ACTN4: variants seen among roughly 807,000 people sequenced by gnomAD.
ACTN4 encodes the protein actinin alpha 4.
In ACTN4, 18 loss-of-function variants were observed where a neutral mutation model predicts 114.2. The observed-to-expected ratio is 0.16, with a 90% confidence interval of 0.11 to 0.23. The LOEUF is 0.23. Among genes scored for constraint, ACTN4 ranks in the 10% least tolerant of loss-of-function variants. The pLI, the probability that ACTN4 is intolerant of heterozygous loss-of-function variation, is 1.00. For missense variants in ACTN4, 722 were observed against 1,262.9 expected, an observed-to-expected ratio of 0.57 and a Z score of 6.49; for synonymous variants, 515 against 506.3, an observed-to-expected ratio of 1.02 and a Z score of -0.23.
chr19:38,698,255 G>A (rs901482998), intron 1 of ACTN4, among the ~76,000 whole-genome samples: 10 of 152,288 alleles, frequency 6.6e-5, no homozygotes, highest in Middle Eastern at 3.4e-3. Flanking sequence ...CACACTGCCC[G>A]TGGCCTAGGT....
At chr19:38,679,568 C>CGTGCGT (rs149048298) in intron 1 of ACTN4, among the ~76,000 whole-genome samples, 1 of 145,420 alleles carries the variant, frequency 6.9e-6, no homozygotes, top group South Asian at 2.2e-4. Context: ...TTTGGGTGTG[C>CGTGCGT]GTGTGTGTGT....
At chr19:38,714,404 G>A in intron 8 of ACTN4, 65 bp from the exon 9 acceptor site, 1 of 1,478,418 alleles carries the variant, frequency 6.8e-7, no homozygotes. Context: ...GCTTTCAAGG[G>A]ACGTGCCCGT....
chr19:38,674,755 C>G (rs1225982282), intron 1 of ACTN4, among the ~76,000 whole-genome samples: 1 of 152,198 alleles, frequency 6.6e-6, no homozygotes, highest in Non-Finnish European at 1.5e-5. Flanking sequence ...TATCGATTCT[C>G]TTTACCTCTG....
chr19:38,701,083 C>T lies in ACTN4; in HGVS notation c.359C>T (p.Ala120Val), dbSNP rs951386376. The T allele has an allele frequency of 6.2e-7, 1 of 1,613,972 alleles. No homozygotes were observed. Among genetic ancestry groups the T allele is most frequent in the Admixed American group, 1.7e-5 (1 of 60,008 alleles). ...GTGAACAAAGCGCTGGACTTTATTGCCAGCAAAGGCGTCAAGCTGGTCTCC... is the reference window on the plus strand; with the variant it reads ...GTGAACAAAGCGCTGGACTTTATTGTCAGCAAAGGCGTCAAGCTGGTCTCC... ...NNVNKALDFIASKGVKLVSIG... is the reference protein window; with the variant it reads ...NNVNKALDFIVSKGVKLVSIG... Residue 120 changes from alanine to valine, a missense_variant, in exon 3 of 21, where the codon GCC (alanine) becomes GTC (valine). Transcript: ENST00000252699.
chr19:38,666,369 G>A (rs1966960891), intron 1 of ACTN4, among the ~76,000 whole-genome samples: 1 of 152,222 alleles, frequency 6.6e-6, no homozygotes, highest in Non-Finnish European at 1.5e-5. Context: ...GGGGGCTGGG[G>A]GTGGGGCGGT....
chr19:38,730,688 G>T lies in ACTN4; in HGVS notation c.*1256G>T. ...CGCTGTTCTTGTTTCTGAGTGAGGA[G>T]TACGCAGGCCAGAGTGGTCACCCGG... On this transcript the variant is annotated 3_prime_UTR_variant, in exon 21 of 21. Transcript: ENST00000252699. The T allele has an allele frequency of 1.3e-6, 1 of 752,554 alleles. No homozygotes were observed. Among genetic ancestry groups the T allele is most frequent in the Non-Finnish European group, 2.2e-6 (1 of 457,056 alleles). The allele number at this position is 752,554 out of a possible 1,614,324, so 46.6% of individuals were successfully genotyped here.
chr19:38,704,811 C>G (rs1156713213), intron 3 of ACTN4, 123 bp from the exon 4 acceptor site: 1 of 810,486 alleles, frequency 1.2e-6, no homozygotes, highest in East Asian at 2.6e-5. Context: ...CTGGGAGATG[C>G]AACCAGGGGG....
intron 3 of ACTN4, among the ~76,000 whole-genome samples, chr19:38,702,186 G>A (rs1180158582): frequency 6.6e-6 from 1 of 152,248 alleles, no homozygotes; most frequent in Non-Finnish European, 1.5e-5. Context: ...GAAGGGGTTA[G>A]AGGAGAGACC....
intron 1 of ACTN4, among the ~76,000 whole-genome samples, chr19:38,689,790 C>A (rs905211749): frequency 2.0e-5 from 3 of 152,208 alleles, no homozygotes; most frequent in Non-Finnish European, 4.4e-5. Context: ...TCTCCTGCCT[C>A]AGTCTCCTGA....
At position 38,717,420 on chromosome 19, in the gene ACTN4, T is replaced by A; in HGVS notation, c.1143+104T>A. ...CGTAATCTTTCCTAAGTTGTTGATGTCCTGTGGGACATGGCATGGCCTTTC... is the reference window on the plus strand; with the variant it reads ...CGTAATCTTTCCTAAGTTGTTGATGACCTGTGGGACATGGCATGGCCTTTC... On this transcript the variant is annotated intron_variant, in intron 10 of 20. Coordinates refer to ENST00000252699, the MANE Select transcript of ACTN4 (RefSeq NM_004924.6). The surrounding 1 kb of genome is among the most constrained non-coding windows in gnomAD (Gnocchi z 4.0). The A allele has an allele frequency of 6.9e-7, 1 of 1,451,684 alleles. No homozygotes were observed. 89.9% of individuals were successfully genotyped at this position (1,451,684 alleles called of 1,614,324 possible).
Position 38,729,261 on chromosome 19 carries a change from C to G in ACTN4, c.2578-13C>G. 6.2e-7 allele frequency: 1 copy of G among 1,612,656 alleles called. No homozygotes were observed. Among genetic ancestry groups the G allele is most frequent in the Non-Finnish European group, 8.5e-7 (1 of 1,179,930 alleles). ...GGTGGGGATGGCTCAGAGTCCCATC[C>G]TGCCTGCCCCAGAACTTCATCACAG... On this transcript the variant is annotated splice_polypyrimidine_tract_variant and intron_variant, in intron 20 of 20. Transcript: ENST00000252699.
In ACTN4 at chr19:38,690,157, TG is replaced by T. The variant is rs536957088; in HGVS notation, c.163-10441del. Among the ~76,000 whole-genome samples, 14 of 152,354 alleles carry T rather than the reference TG, an allele frequency of 9.2e-5. No homozygotes were observed. In the East Asian group the frequency reaches 2.1e-3, roughly 23 times the overall value. ...TGAGGCGGGAGTGGGCCACCCCCTT[TG>T]GTTCCCCTCCCACTGTATGGAAGCT... On this transcript the variant is annotated intron_variant, in intron 1 of 20. Transcript: ENST00000252699.
chr19:38,731,132 A>G lies in ACTN4; in HGVS notation c.*1700A>G. On this transcript the variant is annotated 3_prime_UTR_variant, in exon 21 of 21. Transcript: ENST00000252699. ...AGAAGATGCAGGTGAGGTGGGCCAC[A>G]CAGGACACGAACCGCTCGAAGTCCA... 6.2e-7 allele frequency: 1 copy of G among 1,612,800 alleles called. No homozygotes were observed. The highest frequency in any genetic ancestry group is 8.5e-7 in the Non-Finnish European group (1 of 1,179,898).
intron 1 of ACTN4, among the ~76,000 whole-genome samples, chr19:38,653,350 T>C (rs1216911714): frequency 6.6e-6 from 1 of 151,826 alleles, no homozygotes; most frequent in Non-Finnish European, 1.5e-5. Context: ...CCGTTTTTGC[T>C]ACACTGATTT....
At chr19:38,657,753 T>C (rs915388864) in intron 1 of ACTN4, among the ~76,000 whole-genome samples, 1 of 152,134 alleles carries the variant, frequency 6.6e-6, no homozygotes, top group African/African-American at 2.4e-5. Flanking sequence ...CTGGACATGC[T>C]GGGAAGTTGC....
chr19:38,710,365 C>T, intron 8 of ACTN4, 23 bp downstream of exon 8: 1 of 1,610,456 alleles, frequency 6.2e-7, no homozygotes. Context: ...GCCAGGCAGG[C>T]CCTCCTCGCC....
chr19:38,647,798 C>T lies in ACTN4; in HGVS notation c.53C>T (p.Ala18Val), dbSNP rs766921770. ...NQSYQYGPSS[A>V]GNGAGGGGSM... Reference sequence around the variant, plus strand: ...TCGTACCAGTACGGCCCCAGCAGCGCGGGCAATGGCGCTGGCGGCGGGGGC... The same window carrying T: ...TCGTACCAGTACGGCCCCAGCAGCGTGGGCAATGGCGCTGGCGGCGGGGGC... The change falls in exon 1 of 21, where the codon GCG becomes GTG. Residue 18 changes from alanine to valine, a missense_variant. Around this residue, in one of 3 missense-constraint regions of ACTN4, gnomAD observed 72 missense variants for 75.6 expected, o/e 0.95. Transcript: ENST00000252699. 1.4e-5 allele frequency: 22 copies of T among 1,553,460 alleles called. No individual in the cohort carries two copies. The highest frequency in any genetic ancestry group is 1.7e-5 in the Non-Finnish European group (19 of 1,151,444).
chr19:38,712,417 G>T (rs1043816996), intron 8 of ACTN4, among the ~76,000 whole-genome samples: 1 of 152,134 alleles, frequency 6.6e-6, no homozygotes, highest in African/African-American at 2.4e-5. Flanking sequence ...GCTGTAGTTC[G>T]GTCTCACAGG....
intron 1 of ACTN4, among the ~76,000 whole-genome samples, chr19:38,649,370 A>T (rs1178310611): frequency 1.0e-5 from 1 of 98,052 alleles, no homozygotes. Context: ...GTGTGGGGGG[A>T]AGGGGTTGTT....
Sources: allele counts gnomAD v4.1 joint callset (sites outside exome capture counted in the v4.1 genomes callset), GRCh38; gene constraint gnomAD v4.1.1; regional missense constraint gnomAD v4.1.1; non-coding constraint Gnocchi (gnomAD v3.1); transcripts MANE v1.5; gene names NCBI Gene and HGNC (gene_info 2026-07-23, HGNC 2026-07-21).